The following SHANK2 variants were observed in gnomAD, a reference collection of about 807,000 sequenced individuals.
SHANK2 encodes SH3 and multiple ankyrin repeat domains 2, also known as SH3 and multiple ankyrin repeat domains protein 2.
In SHANK2, 43 loss-of-function variants were observed where a neutral mutation model predicts 133.7. The observed-to-expected ratio is 0.32, with a 90% confidence interval of 0.25 to 0.41. SHANK2 has a LOEUF of 0.41. SHANK2 is among the 10% of genes least tolerant of loss of function. The pLI is 1.00. For missense variants in SHANK2, 1,994 were observed against 2,235.8 expected (o/e 0.89, Z 2.18); for synonymous variants, 1,017 against 952.8 (o/e 1.07, Z -1.24).
chr11:71,062,236 G>A (rs1950996886), intron 9 of SHANK2, among the ~76,000 whole-genome samples: 1 of 152,154 alleles, frequency 6.6e-6, no homozygotes, highest in South Asian at 2.1e-4. Context: ...GATGACAGGT[G>A]TGAGCCACTG....
In SHANK2 at chr11:70,700,098, A is replaced by G. The variant is rs79812988; in HGVS notation, c.1778-1335T>C. On this transcript the variant is annotated intron_variant, in intron 14 of 25. Transcript: ENST00000601538. Reference sequence around the variant, plus strand: ...CCACATTAGGCTGCAGCCTCGGATTAATTTGACACAGTGGCTAAGTCTTTC... The same window carrying G: ...CCACATTAGGCTGCAGCCTCGGATTGATTTGACACAGTGGCTAAGTCTTTC... Among the ~76,000 whole-genome samples the G allele has an allele frequency of 3.6e-3, 553 of 152,178 alleles. 10 individuals are homozygous for G. In the East Asian group the frequency reaches 0.049, roughly 13 times the overall value.
chr11:70,606,748 G>C (rs1554992558), intron 17 of SHANK2, among the ~76,000 whole-genome samples: 1 of 152,094 alleles, frequency 6.6e-6, no homozygotes, highest in Non-Finnish European at 1.5e-5. Context: ...AGATGGAATG[G>C]ACCGTCTGCT....
intron 12 of SHANK2, among the ~76,000 whole-genome samples, chr11:70,818,343 A>C (rs567527991): frequency 3.3e-5 from 5 of 152,188 alleles, no homozygotes; most frequent in Non-Finnish European, 5.9e-5. Context: ...ACACATGTGC[A>C]TTCTGTCCCC....
rs1591489198 is a variant in SHANK2, at chr11:70,486,834, G to A, written c.3459C>T (p.Pro1153=). The change falls in exon 25 of 26, where the codon CCC becomes CCT. Residue 1153 remains proline, a synonymous_variant. Coordinates refer to ENST00000601538, the MANE Select transcript of SHANK2 (RefSeq NM_012309.5). The surrounding 1 kb of genome is among the most constrained non-coding windows in gnomAD (Gnocchi z 8.0). ...SPMPSATPRE[P]ENHFVGGAEA... ...CGGCGCCACCCACGAAATGGTTTTC[G>A]GGCTCCCTGGGCGTGGCACTCGGCA... 2 of 1,612,630 alleles carry A rather than the reference G, an allele frequency of 1.2e-6. No individual in the cohort carries two copies. The highest frequency in any genetic ancestry group is 2.2e-5 in the East Asian group (1 of 44,856).
chr11:70,543,000 C>T (rs1050883074), intron 17 of SHANK2, among the ~76,000 whole-genome samples: 15 of 152,268 alleles, frequency 9.9e-5, no homozygotes, highest in African/African-American at 2.2e-4. Flanking sequence ...AGCAAGCAGG[C>T]GGGTAGAAGG....
intron 15 of SHANK2, among the ~76,000 whole-genome samples, chr11:70,693,904 G>C (rs1555021644): frequency 6.6e-6 from 1 of 152,190 alleles, no homozygotes; most frequent in African/African-American, 2.4e-5. Context: ...ACGGACAGGT[G>C]GACAGGTGAC....
chr11:70,851,522 T>C (rs1201354108), intron 11 of SHANK2, among the ~76,000 whole-genome samples: 2 of 152,132 alleles, frequency 1.3e-5, no homozygotes, highest in Non-Finnish European at 2.9e-5. Context: ...GATGATGTAA[T>C]GGGTGGAGGT....
At chr11:70,933,184 T>C (rs144974511) in intron 10 of SHANK2, 73 of 456,520 alleles carry the variant, frequency 1.6e-4, no homozygotes, top group Non-Finnish European at 2.2e-4. Context: ...TATTCGGCCA[T>C]GAAAAAGCAA....
intron 17 of SHANK2, among the ~76,000 whole-genome samples, chr11:70,620,803 CCT>C (rs1343869281): frequency 6.6e-6 from 1 of 152,160 alleles, no homozygotes; most frequent in African/African-American, 2.4e-5. Context: ...CTCTCTCTCT[CCT>C]CTCTCTGCCA....
chr11:70,893,476 T>C (rs1373068710), intron 11 of SHANK2, among the ~76,000 whole-genome samples: 2 of 152,224 alleles, frequency 1.3e-5, no homozygotes, highest in Non-Finnish European at 2.9e-5. Flanking sequence ...TTCACTGTGC[T>C]TGGATCAATC....
At chr11:70,851,646 A>G (rs566280707) in intron 11 of SHANK2, among the ~76,000 whole-genome samples, 1 of 152,346 alleles carries the variant, frequency 6.6e-6, no homozygotes, top group African/African-American at 2.4e-5. Flanking sequence ...TCAGTTATGG[A>G]CCACCTAGCT....
chr11:70,831,237 G>T (rs190644527), intron 11 of SHANK2, among the ~76,000 whole-genome samples: 36 of 152,056 alleles, frequency 2.4e-4, no homozygotes, highest in Admixed American at 4.6e-4. Context: ...TTGCCTGCCC[G>T]CACGCCCACC....
At chr11:70,727,165 A>G (rs1172483743) in intron 14 of SHANK2, among the ~76,000 whole-genome samples, 7 of 152,390 alleles carry the variant, frequency 4.6e-5, no homozygotes, top group African/African-American at 7.2e-5. Flanking sequence ...CAGTTTTACC[A>G]TCTACAAAAT....
chr11:71,099,355 C>T (rs1555096241), intron 6 of SHANK2, among the ~76,000 whole-genome samples: 2 of 152,160 alleles, frequency 1.3e-5, no homozygotes, highest in Admixed American at 1.3e-4. Flanking sequence ...TACCATACGA[C>T]TTCCGCTCAG....
intron 2 of SHANK2, among the ~76,000 whole-genome samples, chr11:71,186,727 C>T (rs1438177010): frequency 2.0e-5 from 3 of 152,222 alleles, no homozygotes; most frequent in Admixed American, 6.5e-5. Flanking sequence ...GTTAACTTTT[C>T]GGGTTAGTGG....
chr11:70,616,861 AGAG>A (rs1427757940), intron 17 of SHANK2, among the ~76,000 whole-genome samples: 1 of 152,114 alleles, frequency 6.6e-6, no homozygotes, highest in African/African-American at 2.4e-5. Flanking sequence ...CCGCTGAGGA[AGAG>A]GAGATGACAA....
At chr11:71,239,841 G>A (rs1245550229) in intron 1 of SHANK2, among the ~76,000 whole-genome samples, 1 of 152,116 alleles carries the variant, frequency 6.6e-6, no homozygotes, top group Non-Finnish European at 1.5e-5. Context: ...TGACCTCAGA[G>A]GCATTTCCTT....
rs999679614 is a variant in SHANK2, at chr11:70,807,915, G to A, written c.1494-744C>T. On this transcript the variant is annotated intron_variant, in intron 12 of 25. Coordinates refer to ENST00000601538, the MANE Select transcript of SHANK2 (RefSeq NM_012309.5). The surrounding 1 kb of genome is among the most constrained non-coding windows in gnomAD (Gnocchi z 4.8). ...TCAGTGAGATACACCAGACACAAAAGAACACAGACTGTGTGATCCCAGCCA... is the reference window on the plus strand; with the variant it reads ...TCAGTGAGATACACCAGACACAAAAAAACACAGACTGTGTGATCCCAGCCA... Among the ~76,000 whole-genome samples, 1 of 152,124 alleles carries A rather than the reference G, an allele frequency of 6.6e-6. No individual in the cohort carries two copies. The highest frequency in any genetic ancestry group is 6.5e-5 in the Admixed American group (1 of 15,278).
At chr11:70,624,043 G>A (rs994459650) in intron 17 of SHANK2, among the ~76,000 whole-genome samples, 4 of 152,112 alleles carry the variant, frequency 2.6e-5, no homozygotes, top group South Asian at 2.1e-4. Flanking sequence ...GGGCACCTTC[G>A]TCCCTGTGCA....
Sources: gnomAD v4.1 joint callset for allele counts (sites outside exome capture counted in the v4.1 genomes callset) on GRCh38, gnomAD v4.1.1 for gene constraint, Gnocchi (gnomAD v3.1) non-coding constraint, MANE v1.5 for transcripts, NCBI Gene and HGNC (gene_info 2026-07-23, HGNC 2026-07-21) for gene names.